The following PIK3AP1 variants were observed in gnomAD, a reference collection of about 807,000 sequenced individuals.
PIK3AP1 encodes the protein phosphoinositide 3-kinase adapter protein 1.
PIK3AP1 carries 21 observed loss-of-function variants against 88.1 expected under a neutral mutation model. The ratio of observed to expected loss-of-function variants is 0.24; its 90% CI spans 0.17 to 0.34. The LOEUF is 0.34. Ranked by LOEUF, PIK3AP1 falls within the 10% of genes least tolerant of loss-of-function variation. The pLI, the probability that PIK3AP1 is intolerant of heterozygous loss-of-function variation, is 1.00. For missense variants in PIK3AP1, 828 were observed against 1,035.7 expected (o/e 0.80, Z 2.75); for synonymous variants, 398 against 400.0 (o/e 1.00, Z 0.06).
chr10:96,638,714 G>A (rs1210829879), intron 8 of PIK3AP1, among the ~76,000 whole-genome samples: 3 of 152,304 alleles, frequency 2.0e-5, no homozygotes, highest in Non-Finnish European at 4.4e-5. Context: ...GCAGTGAGTC[G>A]CACGCGGTAG....
chr10:96,660,726 T>C (rs1337545110), intron 2 of PIK3AP1, among the ~76,000 whole-genome samples: 1 of 152,170 alleles, frequency 6.6e-6, no homozygotes, highest in Non-Finnish European at 1.5e-5. Context: ...AGCAGCTTTG[T>C]TCAAAACAGC....
Position 96,720,475 on chromosome 10 carries a change from G to A in PIK3AP1, c.-81C>T, listed in dbSNP as rs966673776. On this transcript the variant is annotated 5_prime_UTR_variant, in exon 1 of 17. Transcript: ENST00000339364. This position sits in a 1 kb window ranked among gnomAD's most constrained non-coding sequence, Gnocchi z 4.6. ...GGCCGGCGGCGTCCTGGCTCGGGCT[G>A]GAGGGGCGCCGGGCTCCGCGCGGGA... 1 of 1,179,148 alleles carries A rather than the reference G, an allele frequency of 8.5e-7. No homozygotes were observed. The highest frequency in any genetic ancestry group is 1.1e-6 in the Non-Finnish European group (1 of 946,968). 73.0% of individuals were successfully genotyped at this position (1,179,148 alleles called of 1,614,324 possible). A position where few individuals can be genotyped will look rare whatever the true frequency, so the allele number is the denominator to read the frequency against.
chr10:96,651,662 G>A lies in PIK3AP1; in HGVS notation c.713-11C>T. The A allele has an allele frequency of 6.2e-7, 1 of 1,611,634 alleles. No individual in the cohort carries two copies. Among genetic ancestry groups the A allele is most frequent in the African/African-American group, 1.3e-5 (1 of 74,756 alleles). ...TCCCAGATGAAAGGTCTGAACAGAA[G>A]AAAAGACACTATCAAAATTCCCAGG... On this transcript the variant is annotated splice_polypyrimidine_tract_variant and intron_variant, in intron 4 of 16. Coordinates refer to ENST00000339364, the MANE Select transcript of PIK3AP1 (RefSeq NM_152309.3).
chr10:96,632,914 C>A, intron 8 of PIK3AP1: 1 of 1,612,730 alleles, frequency 6.2e-7, no homozygotes, highest in Non-Finnish European at 8.5e-7. Context: ...ATGCTTGGCA[C>A]CAGTCCACTC....
intron 1 of PIK3AP1, among the ~76,000 whole-genome samples, chr10:96,716,831 C>T (rs879590554): frequency 3.3e-5 from 5 of 152,056 alleles, no homozygotes; most frequent in East Asian, 1.9e-4. Flanking sequence ...TCTTTGTCCT[C>T]GTAAAACGTC....
At chr10:96,629,930 A>AGAAGAAGAAGAAGAAGAAGAAG (rs1554955593) in intron 8 of PIK3AP1, among the ~76,000 whole-genome samples, 18 of 13,718 alleles carry the variant, frequency 1.3e-3, no homozygotes, top group African/African-American at 3.3e-3. Context: ...AAAAAAAAAA[A>AGAAGAAGAAGAAGAAGAAGAAG]AAGAAGAAGA....
intron 6 of PIK3AP1, among the ~76,000 whole-genome samples, chr10:96,649,129 C>T (rs1489496785): frequency 6.6e-6 from 1 of 152,138 alleles, no homozygotes; most frequent in African/African-American, 2.4e-5. Flanking sequence ...TCACTGCAAC[C>T]TCTGCCTCCC....
chr10:96,695,690 C>A (rs138987138), intron 2 of PIK3AP1, among the ~76,000 whole-genome samples: 2 of 152,096 alleles, frequency 1.3e-5, no homozygotes, highest in Admixed American at 6.5e-5. Flanking sequence ...ATGACTAACC[C>A]AATTCTAGAG....
intron 8 of PIK3AP1, among the ~76,000 whole-genome samples, chr10:96,637,999 T>C (rs982955650): frequency 4.6e-5 from 7 of 152,218 alleles, no homozygotes; most frequent in African/African-American, 1.7e-4. Context: ...CTGAGGCCTT[T>C]GGGCTACGTA....
intron 8 of PIK3AP1, chr10:96,633,057 C>T (rs1843267711): frequency 1.9e-6 from 3 of 1,596,360 alleles, no homozygotes; most frequent in Non-Finnish European, 2.6e-6. Context: ...TGAAAAACCT[C>T]ATGTCCTACA....
chr10:96,698,565 A>G (rs572771173), intron 2 of PIK3AP1, among the ~76,000 whole-genome samples: 4 of 152,092 alleles, frequency 2.6e-5, no homozygotes, highest in African/African-American at 9.6e-5. Context: ...ACTAAAAACT[A>G]AACTAAACTA....
chr10:96,706,145 G>A (rs976684682), intron 2 of PIK3AP1, among the ~76,000 whole-genome samples: 2 of 150,722 alleles, frequency 1.3e-5, no homozygotes, highest in Non-Finnish European at 3.0e-5. Context: ...CGCCCGCCTC[G>A]GCCTCCCAAA....
At chr10:96,714,511 C>A (rs1473114609) in intron 1 of PIK3AP1, among the ~76,000 whole-genome samples, 2 of 152,206 alleles carry the variant, frequency 1.3e-5, no homozygotes, top group African/African-American at 4.8e-5. Flanking sequence ...TTAGAAAATA[C>A]AGTTAATAAA....
At chr10:96,622,405 T>A (rs1357087711) in intron 11 of PIK3AP1, among the ~76,000 whole-genome samples, 2 of 152,164 alleles carry the variant, frequency 1.3e-5, no homozygotes, top group Non-Finnish European at 2.9e-5. Context: ...ACAAGGCTAT[T>A]TGGATCTAAA....
At chr10:96,700,206 A>C (rs149651445) in intron 2 of PIK3AP1, among the ~76,000 whole-genome samples, 45 of 152,306 alleles carry the variant, frequency 3.0e-4, no homozygotes, top group African/African-American at 1.1e-3. Context: ...TGTAACGCGA[A>C]CAGGAGAAGG....
chr10:96,693,458 T>TGGATGGATGGATGGAC (rs1178708718), intron 2 of PIK3AP1, among the ~76,000 whole-genome samples: 1 of 152,086 alleles, frequency 6.6e-6, no homozygotes, highest in African/African-American at 2.4e-5. Context: ...GATGGATGGA[T>TGGATGGATGGATGGAC]GGATGGATGG....
intron 8 of PIK3AP1, among the ~76,000 whole-genome samples, chr10:96,641,250 T>C (rs1424247219): frequency 1.3e-5 from 2 of 152,068 alleles, no homozygotes; most frequent in African/African-American, 4.8e-5. Flanking sequence ...ACTGGGAGCT[T>C]CCCCTATAAG....
chr10:96,638,747 T>A (rs1843347297), intron 8 of PIK3AP1, among the ~76,000 whole-genome samples: 1 of 152,212 alleles, frequency 6.6e-6, no homozygotes, highest in South Asian at 2.1e-4. Context: ...CAGTCCCACC[T>A]GCATTCTCAA....
intron 2 of PIK3AP1, among the ~76,000 whole-genome samples, chr10:96,689,049 G>C (rs1379362524): frequency 6.6e-6 from 1 of 152,136 alleles, no homozygotes; most frequent in African/African-American, 2.4e-5. Flanking sequence ...GGCCCTCTGA[G>C]ATAAAATGGG....
Sources: allele counts gnomAD v4.1 joint callset (sites outside exome capture counted in the v4.1 genomes callset), GRCh38; gene constraint gnomAD v4.1.1; non-coding constraint Gnocchi (gnomAD v3.1); transcripts MANE v1.5; gene names NCBI Gene and HGNC (gene_info 2026-07-23, HGNC 2026-07-21).